SPATA13: variants seen among roughly 807,000 people sequenced by gnomAD.
SPATA13 encodes the protein spermatogenesis-associated protein 13.
In SPATA13, 50 loss-of-function variants were observed where a neutral mutation model predicts 104.0. The observed-to-expected ratio is 0.48, with a 90% CI of 0.38 to 0.61. The LOEUF is 0.61. Among genes scored for constraint, SPATA13 ranks in the 20% least tolerant of loss-of-function variants. The pLI, the probability that SPATA13 is intolerant of heterozygous loss-of-function variation, is 0.00. For missense variants in SPATA13, 1,524 were observed against 1,690.6 expected (o/e 0.90, Z 1.73); for synonymous variants, 606 against 667.5 (o/e 0.91, Z 1.42).
intron 9 of SPATA13, 129 bp from the exon 10 acceptor site, chr13:24,294,610 T>C (rs1876621012): frequency 1.1e-6 from 1 of 934,164 alleles, no homozygotes; most frequent in Non-Finnish European, 1.4e-6. Flanking sequence ...AGGGAAACAG[T>C]GGCTAATGAC....
Position 24,014,879 on chromosome 13 carries a change from ATTTTTTTTTTTTTT to A in SPATA13, c.-146-2772_-146-2759del, listed in dbSNP as rs10566756. Among the ~76,000 whole-genome samples, 16 of 78,696 alleles carry A rather than the reference ATTTTTTTTTTTTTT, an allele frequency of 2.0e-4. 1 individual carries two copies. In the Middle Eastern group the frequency reaches 0.027, roughly 134 times the overall value. 51.6% of individuals were successfully genotyped at this position (78,696 alleles called of 152,430 possible). A position where few individuals can be genotyped will look rare whatever the true frequency, so the allele number is the denominator to read the frequency against. On this transcript the variant is annotated intron_variant, in intron 2 of 14. Coordinates refer to the SPATA13 transcript ENST00000424834. ...AGGTTCCCTTTTTGGCACTTTCTGG[ATTTTTTTTTTTTTT>A]TTTTTTTTTTTTTTTGAGACAGAGT...
intron 3 of SPATA13, among the ~76,000 whole-genome samples, chr13:24,019,455 T>C (rs1027592913): frequency 4.6e-5 from 7 of 152,248 alleles, no homozygotes; most frequent in African/African-American, 9.6e-5. Context: ...GCAGTGGAGC[T>C]AGTTAAAATT....
chr13:23,991,032 C>G (rs951608973), intron 2 of SPATA13, among the ~76,000 whole-genome samples: 2 of 152,108 alleles, frequency 1.3e-5, no homozygotes, highest in African/African-American at 4.8e-5. Context: ...AGATGAAGCC[C>G]GCTCAAGGTT....
At chr13:24,176,239 A>T (rs1366391284) in intron 1 of SPATA13, among the ~76,000 whole-genome samples, 1 of 152,196 alleles carries the variant, frequency 6.6e-6, no homozygotes, top group Non-Finnish European at 1.5e-5. Flanking sequence ...TTTCCATAAC[A>T]CAATTTTATA....
At chr13:24,278,933 C>CCTCA in intron 4 of SPATA13, 1 of 541,332 alleles carries the variant, frequency 1.8e-6, no homozygotes, top group East Asian at 4.2e-5. Flanking sequence ...TCCCTCTTTC[C>CCTCA]TTCCTTCCTT....
At chr13:24,067,778 C>T (rs1879017311) in intron 3 of SPATA13, among the ~76,000 whole-genome samples, 1 of 152,142 alleles carries the variant, frequency 6.6e-6, no homozygotes, top group African/African-American at 2.4e-5. Context: ...GATCTCGGGT[C>T]ACTGCAACCT....
chr13:24,072,794 A>G (rs914355354), intron 3 of SPATA13, among the ~76,000 whole-genome samples: 14 of 146,312 alleles, frequency 9.6e-5, no homozygotes, highest in African/African-American at 3.5e-4. Flanking sequence ...CTGAGTTGCA[A>G]TGGCTCCTCC....
At chr13:24,105,401 A>G (rs981841713) in intron 3 of SPATA13, among the ~76,000 whole-genome samples, 7 of 150,084 alleles carry the variant, frequency 4.7e-5, no homozygotes. Context: ...AGCCTCCCAA[A>G]GTGCTGGGAT....
chr13:24,292,503 C>T (rs545911225), intron 9 of SPATA13, among the ~76,000 whole-genome samples: 11 of 152,264 alleles, frequency 7.2e-5, no homozygotes, highest in African/African-American at 2.6e-4. Context: ...TTTAACTGCA[C>T]CTGCAGCTCT....
In SPATA13 at chr13:24,205,574, A is replaced by G. The variant is rs1443443247; in HGVS notation, c.-111-17245A>G. On this transcript the variant is annotated intron_variant, in intron 1 of 12. Coordinates refer to ENST00000382108, the MANE Select transcript of SPATA13 (RefSeq NM_001166271.3). The surrounding 1 kb of genome is among the most constrained non-coding windows in gnomAD (Gnocchi z 4.1). The stretch of plus-strand genomic sequence containing the variant: ...CCATTAACATTCTTCACAGAATTAG[A>G]AAAAAACTATTTTAAAATTCATGTG... Among the ~76,000 whole-genome samples, 5 of 152,200 alleles carry G rather than the reference A, an allele frequency of 3.3e-5. No homozygotes were observed. Among genetic ancestry groups the G allele is most frequent in the African/African-American group, 1.2e-4 (5 of 41,444 alleles).
chr13:24,048,755 TC>T (rs1878236978), intron 3 of SPATA13, among the ~76,000 whole-genome samples: 1 of 152,040 alleles, frequency 6.6e-6, no homozygotes, highest in Non-Finnish European at 1.5e-5. Context: ...TCATAAAGTG[TC>T]CCTAAAGCAA....
At position 24,304,496 on chromosome 13, in the gene SPATA13, A is replaced by T. The variant is rs866215818; in HGVS notation, c.*1723A>T. On this transcript the variant is annotated 3_prime_UTR_variant, in exon 13 of 13. Transcript: ENST00000382108. ...CTAACAGGCCCATGTTTGAGAATAA[A>T]CAAGTCTGTGATGTCAGAGACAAAG... The T allele has an allele frequency of 3.9e-5, 6 of 152,246 alleles. No individual in the cohort carries two copies. In the South Asian group the frequency reaches 6.2e-4, roughly 16 times the overall value. The allele number at this position is 152,246 out of a possible 1,614,324, so 9.4% of individuals were successfully genotyped here. A position where few individuals can be genotyped will look rare whatever the true frequency, so the allele number is the denominator to read the frequency against.
chr13:24,270,075 T>TA (rs1170319834), intron 4 of SPATA13, among the ~76,000 whole-genome samples: 3 of 152,102 alleles, frequency 2.0e-5, no homozygotes, highest in Non-Finnish European at 4.4e-5. Flanking sequence ...GCGTATATAT[T>TA]ACCTCATTGT....
chr13:24,193,322 A>G (rs1018831477), intron 1 of SPATA13, among the ~76,000 whole-genome samples: 3 of 152,034 alleles, frequency 2.0e-5, no homozygotes, highest in African/African-American at 7.3e-5. Context: ...GGTGGGGGAG[A>G]GAGATGACAA....
chr13:24,048,326 C>G (rs973965634), intron 3 of SPATA13, among the ~76,000 whole-genome samples: 1 of 151,834 alleles, frequency 6.6e-6, no homozygotes, highest in African/African-American at 2.4e-5. Flanking sequence ...AAATAAGATA[C>G]AATATAATAT....
At chr13:23,995,166 A>G (rs1233511338) in intron 2 of SPATA13, among the ~76,000 whole-genome samples, 2 of 152,220 alleles carry the variant, frequency 1.3e-5, no homozygotes, top group Admixed American at 6.5e-5. Flanking sequence ...CTGAAGATAC[A>G]TGCCAATCTC....
chr13:24,291,742 TTTTTTATTTTTTTA>T (rs1242826250), intron 9 of SPATA13, among the ~76,000 whole-genome samples: 3 of 72,020 alleles, frequency 4.2e-5, no homozygotes, highest in African/African-American at 1.7e-4. Flanking sequence ...CTGTCTTTAT[TTTTTTATTTTTTTA>T]TTTTTTTTTT....
At chr13:24,195,779 T>C (rs1418818955) in intron 1 of SPATA13, among the ~76,000 whole-genome samples, 1 of 152,142 alleles carries the variant, frequency 6.6e-6, no homozygotes, top group African/African-American at 2.4e-5. Flanking sequence ...GTGAGGAGAA[T>C]GTGGGAGAAC....
At chr13:24,126,630 C>T (rs1356764377) in intron 3 of SPATA13, among the ~76,000 whole-genome samples, 1 of 152,142 alleles carries the variant, frequency 6.6e-6, no homozygotes, top group East Asian at 1.9e-4. Flanking sequence ...GAATATGGCT[C>T]ACTGCAGCCT....
Sources: allele counts gnomAD v4.1 joint callset (sites outside exome capture counted in the v4.1 genomes callset), GRCh38; gene constraint gnomAD v4.1.1; non-coding constraint Gnocchi (gnomAD v3.1); transcripts MANE v1.5; gene names NCBI Gene and HGNC (gene_info 2026-07-23, HGNC 2026-07-21).